Variants in ZDHHC14 observed in about 807,000 individuals in gnomAD.
The protein encoded by ZDHHC14 is zDHHC palmitoyltransferase 14.
Under a neutral mutation model 47.7 loss-of-function variants are expected in ZDHHC14, and 16 were observed. The ratio of observed to expected loss-of-function variants is 0.34; its 90% confidence interval spans 0.23 to 0.51. ZDHHC14 has a LOEUF of 0.51. ZDHHC14 is among the 20% of genes least tolerant of loss of function. The pLI is 0.97. For synonymous variants in ZDHHC14, 293 were observed against 278.9 expected, an observed-to-expected ratio of 1.05 and a Z score of -0.50; for missense variants, 515 against 662.5, an observed-to-expected ratio of 0.78 and a Z score of 2.44.
chr6:157,457,809 C>T (rs781207246), intron 1 of ZDHHC14, among the ~76,000 whole-genome samples: 2 of 152,194 alleles, frequency 1.3e-5, no homozygotes, highest in African/African-American at 2.4e-5. Flanking sequence ...CTACCACTTG[C>T]GCCCTCAACC....
At chr6:157,654,331 C>T (rs774526311) in intron 8 of ZDHHC14, among the ~76,000 whole-genome samples, 1 of 152,164 alleles carries the variant, frequency 6.6e-6, no homozygotes, top group Non-Finnish European at 1.5e-5. Flanking sequence ...CCATCAGTGT[C>T]TTAAGATTCC....
chr6:157,469,024 T>C (rs898281498), intron 1 of ZDHHC14, among the ~76,000 whole-genome samples: 1 of 152,180 alleles, frequency 6.6e-6, no homozygotes, highest in African/African-American at 2.4e-5. Context: ...TTAATGTGAA[T>C]GACAGAATCT....
chr6:157,576,468 A>G (rs1330963995), intron 2 of ZDHHC14, among the ~76,000 whole-genome samples: 1 of 152,222 alleles, frequency 6.6e-6, no homozygotes, highest in East Asian at 1.9e-4. Context: ...CCCAGAGATT[A>G]TATTCAATGA....
At chr6:157,390,035 T>C (rs941346399) in intron 1 of ZDHHC14, among the ~76,000 whole-genome samples, 1 of 152,184 alleles carries the variant, frequency 6.6e-6, no homozygotes, top group Non-Finnish European at 1.5e-5. Flanking sequence ...CTTCTAATTA[T>C]ATCATTTTCC....
intron 1 of ZDHHC14, among the ~76,000 whole-genome samples, chr6:157,537,686 C>T (rs902791116): frequency 5.3e-5 from 8 of 152,196 alleles, no homozygotes; most frequent in Admixed American, 2.6e-4. Context: ...TGGCAGCTGC[C>T]TCATCATCTT....
chr6:157,572,804 A>G lies in ZDHHC14; in HGVS notation c.407-20184A>G, dbSNP rs140399401. Reference sequence around the variant, plus strand: ...GAATGCATAAAGAACCTAGCACTGCATAGCACATGAAACTCATTCTTCGAG... The same window carrying G: ...GAATGCATAAAGAACCTAGCACTGCGTAGCACATGAAACTCATTCTTCGAG... On this transcript the variant is annotated intron_variant, in intron 2 of 8. Transcript: ENST00000359775. Among the ~76,000 whole-genome samples the G allele has an allele frequency of 2.7e-3, 416 of 152,076 alleles. 4 individuals are homozygous for G. The highest frequency in any genetic ancestry group is 4.9e-3 in the Non-Finnish European group (331 of 67,990).
At chr6:157,444,404 A>C (rs1485231544) in intron 1 of ZDHHC14, among the ~76,000 whole-genome samples, 1 of 152,216 alleles carries the variant, frequency 6.6e-6, no homozygotes, top group Non-Finnish European at 1.5e-5. Flanking sequence ...TAGGCTGGGC[A>C]TGGTGGCTCA....
chr6:157,461,178 A>G (rs1179118658), intron 1 of ZDHHC14, among the ~76,000 whole-genome samples: 4 of 152,174 alleles, frequency 2.6e-5, no homozygotes, highest in African/African-American at 9.7e-5. Context: ...CCACCACCGT[A>G]AACAGTATCT....
At chr6:157,601,462 G>GT (rs1257752486) in intron 3 of ZDHHC14, among the ~76,000 whole-genome samples, 2 of 152,048 alleles carry the variant, frequency 1.3e-5, no homozygotes, top group Non-Finnish European at 2.9e-5. Context: ...ATTAGAACTA[G>GT]TTTTTTTATG....
intron 8 of ZDHHC14, among the ~76,000 whole-genome samples, chr6:157,669,577 G>C (rs1778702392): frequency 1.3e-5 from 2 of 152,220 alleles, no homozygotes; most frequent in African/African-American, 4.8e-5. Flanking sequence ...GAAGTACTTG[G>C]GCTGAACCCT....
chr6:157,507,409 G>A lies in ZDHHC14; in HGVS notation c.246-35176G>A, dbSNP rs1485979836. 2.0e-5 allele frequency among the ~76,000 whole-genome samples: 3 copies of A among 151,644 alleles called. No individual in the cohort carries two copies. The East Asian group carries it at 5.8e-4, about 29-fold the overall frequency. On this transcript the variant is annotated intron_variant, in intron 1 of 8. Transcript: ENST00000359775. ...AGCAATTCTCATGTCTCAGCCTCCT[G>A]GGTAGCTGGGATTACAGGCACGCCA...
chr6:157,407,384 G>T (rs1350367686), intron 1 of ZDHHC14, among the ~76,000 whole-genome samples: 1 of 151,744 alleles, frequency 6.6e-6, no homozygotes, highest in East Asian at 1.9e-4. Flanking sequence ...TGCCTCCTAG[G>T]ATTCATTGGG....
At chr6:157,539,197 C>A (rs966635241) in intron 1 of ZDHHC14, among the ~76,000 whole-genome samples, 2 of 151,968 alleles carry the variant, frequency 1.3e-5, no homozygotes, top group Admixed American at 1.3e-4. Flanking sequence ...ATTACTCGAG[C>A]CCAGGAGTTT....
chr6:157,636,199 A>AACAC (rs200065831), intron 5 of ZDHHC14, among the ~76,000 whole-genome samples: 7,976 of 150,828 alleles, frequency 0.053, 463 homozygotes, highest in African/African-American at 0.14. Flanking sequence ...GATGGATTTA[A>AACAC]ACACACACAC....
At chr6:157,391,456 GAGA>G (rs1777417427) in intron 1 of ZDHHC14, among the ~76,000 whole-genome samples, 1 of 152,170 alleles carries the variant, frequency 6.6e-6, no homozygotes, top group Non-Finnish European at 1.5e-5. Context: ...GTAGGCTTCA[GAGA>G]AGATGTCTCT....
chr6:157,604,164 G>C (rs1048124345), intron 3 of ZDHHC14, among the ~76,000 whole-genome samples: 1 of 152,052 alleles, frequency 6.6e-6, no homozygotes, highest in South Asian at 2.1e-4. Context: ...GCGGGTGCCT[G>C]TAAGCCCAAC....
At chr6:157,420,612 G>A (rs932009304) in intron 1 of ZDHHC14, among the ~76,000 whole-genome samples, 9 of 152,208 alleles carry the variant, frequency 5.9e-5, no homozygotes, top group South Asian at 2.1e-4. Flanking sequence ...GCCATTACCA[G>A]TGCGACTGAG....
chr6:157,643,246 G>C (rs1261358790), intron 5 of ZDHHC14, among the ~76,000 whole-genome samples: 1 of 152,214 alleles, frequency 6.6e-6, no homozygotes, highest in Non-Finnish European at 1.5e-5. Context: ...GGTAGTGCCA[G>C]CAGGCTGCAT....
intron 1 of ZDHHC14, among the ~76,000 whole-genome samples, chr6:157,456,556 C>G (rs1778922207): frequency 6.6e-6 from 1 of 152,332 alleles, no homozygotes. Context: ...ACCCTTAAAA[C>G]TGTCAAGAAT....
Sources: gnomAD v4.1 joint callset for allele counts (sites outside exome capture counted in the v4.1 genomes callset) on GRCh38, gnomAD v4.1.1 for gene constraint, MANE v1.5 for transcripts, NCBI Gene and HGNC (gene_info 2026-07-23, HGNC 2026-07-21) for gene names.